ATE1: variants seen among roughly 807,000 people sequenced by gnomAD.
ATE1 encodes arginyltransferase 1, also known as arginyl-tRNA--protein transferase 1.
A neutral mutation model predicts 70.5 loss-of-function variants in ATE1; 36 were observed. The observed-to-expected ratio is 0.51, with a 90% CI of 0.39 to 0.67. ATE1 has a LOEUF of 0.67. Among genes scored for constraint, ATE1 ranks in the 30% least tolerant of loss-of-function variants. ATE1 has a pLI of 0.00. For missense variants in ATE1, 593 were observed against 629.5 expected, an observed-to-expected ratio of 0.94 and a Z score of 0.62; for synonymous variants, 232 against 219.3, an observed-to-expected ratio of 1.06 and a Z score of -0.51.
chr10:121,844,085 A>C (rs1364536378), intron 8 of ATE1, among the ~76,000 whole-genome samples: 1 of 152,234 alleles, frequency 6.6e-6, no homozygotes, highest in African/African-American at 2.4e-5. Flanking sequence ...CAACAACAAG[A>C]ACACAAACTA....
intron 10 of ATE1, among the ~76,000 whole-genome samples, chr10:121,831,702 T>A (rs188379571): frequency 1.3e-5 from 2 of 152,290 alleles, no homozygotes; most frequent in African/African-American, 4.8e-5. Flanking sequence ...AACATAAATT[T>A]TCTAAAAAAA....
rs759428786 is a variant in ATE1 at position 121,869,997 on chromosome 10, A to AT, written c.975+8_975+9insA. The AT allele has an allele frequency of 6.2e-7, 1 of 1,602,384 alleles. No homozygotes were observed. Among genetic ancestry groups the AT allele is most frequent in the Admixed American group, 1.7e-5 (1 of 59,966 alleles). ...AATTCTAATATTAAGGTCAGTGAGT[A>AT]ACTCTTACCTCCAAGGGTGAACTGC... On this transcript the variant is annotated intron_variant, in intron 8 of 11. Coordinates refer to ENST00000224652, the MANE Select transcript of ATE1 (RefSeq NM_001001976.3).
chr10:121,805,560 G>A (rs781698968), intron 10 of ATE1, among the ~76,000 whole-genome samples: 5 of 152,138 alleles, frequency 3.3e-5, no homozygotes, highest in South Asian at 4.1e-4. Flanking sequence ...CGCAGCTCTC[G>A]TGTCTGAGAA....
intron 7 of ATE1, among the ~76,000 whole-genome samples, chr10:121,886,889 T>C (rs1950416898): frequency 6.6e-6 from 1 of 152,174 alleles, no homozygotes; most frequent in African/African-American, 2.4e-5. Context: ...AGAATGTCAA[T>C]TCTCTAATAC....
rs534335142 is a variant in ATE1 at position 121,777,194 on chromosome 10, T to C, written c.1378+12975A>G. 4.6e-5 allele frequency among the ~76,000 whole-genome samples: 7 copies of C among 152,368 alleles called. No individual in the cohort carries two copies. In the South Asian group the frequency reaches 1.4e-3, roughly 32 times the overall value. On this transcript the variant is annotated intron_variant, in intron 11 of 11. Transcript: ENST00000224652. ...CTAATGACTGGCGGGACTAGAAAAC[T>C]TGCCTTTAGATTTCTAGTTTAAACA...
chr10:121,742,998 ATAT>A lies in ATE1; in HGVS notation c.*679_*681del, dbSNP rs1261099899. The A allele has an allele frequency of 6.6e-6, 1 of 152,210 alleles. No homozygotes were observed. Among genetic ancestry groups the A allele is most frequent in the Non-Finnish European group, 1.5e-5 (1 of 68,024 alleles). 9.4% of individuals were successfully genotyped at this position (152,210 alleles called of 1,614,324 possible). A position where few individuals can be genotyped will look rare whatever the true frequency, so the allele number is the denominator to read the frequency against. On this transcript the variant is annotated 3_prime_UTR_variant, in exon 12 of 12. Coordinates refer to ENST00000224652, the MANE Select transcript of ATE1 (RefSeq NM_001001976.3). ...TATGTATTTTATTGTCCAAACTGGG[ATAT>A]TTTTTAGAGTAAAAGGGAGTACTAT...
chr10:121,783,245 G>A (rs1252935317), intron 11 of ATE1, among the ~76,000 whole-genome samples: 1 of 151,984 alleles, frequency 6.6e-6, no homozygotes, highest in African/African-American at 2.4e-5. Flanking sequence ...AGTCAATAGT[G>A]GTAATCTTAT....
chr10:121,918,999 G>A (rs530504416), intron 3 of ATE1, among the ~76,000 whole-genome samples: 2 of 152,044 alleles, frequency 1.3e-5, no homozygotes, highest in South Asian at 4.2e-4. Context: ...TCTATAAAAT[G>A]GACCAATCAG....
At chr10:121,789,839 C>A (rs1000649025) in intron 11 of ATE1, among the ~76,000 whole-genome samples, 4 of 152,090 alleles carry the variant, frequency 2.6e-5, no homozygotes, top group Non-Finnish European at 4.4e-5. Flanking sequence ...CTAAATAATC[C>A]ATCTAGCAGA....
At chr10:121,907,814 G>A (rs1186693485) in intron 5 of ATE1, among the ~76,000 whole-genome samples, 1 of 151,828 alleles carries the variant, frequency 6.6e-6, no homozygotes, top group Non-Finnish European at 1.5e-5. Flanking sequence ...ATTTGAATTG[G>A]AAATATCAGT....
In ATE1 at chr10:121,777,921, G is replaced by A. The variant is rs1314298887; in HGVS notation, c.1378+12248C>T. Reference sequence around the variant, plus strand: ...GAAATTTAATCAGGATTTCATAAACGCAAACATTATTCAAAATCTCCTTAA... The same window carrying A: ...GAAATTTAATCAGGATTTCATAAACACAAACATTATTCAAAATCTCCTTAA... On this transcript the variant is annotated intron_variant, in intron 11 of 11. Coordinates refer to ENST00000224652, the MANE Select transcript of ATE1 (RefSeq NM_001001976.3). 4.6e-5 allele frequency among the ~76,000 whole-genome samples: 7 copies of A among 152,252 alleles called. No individual in the cohort carries two copies. The East Asian group carries it at 5.8e-4, about 13-fold the overall frequency.
chr10:121,833,712 T>G (rs1369689317), intron 10 of ATE1, among the ~76,000 whole-genome samples: 1 of 152,110 alleles, frequency 6.6e-6, no homozygotes, highest in Non-Finnish European at 1.5e-5. Context: ...CTCTAGTTGG[T>G]CAGTGTTCCA....
chr10:121,811,578 G>A (rs1257207996), intron 10 of ATE1, among the ~76,000 whole-genome samples: 2 of 152,158 alleles, frequency 1.3e-5, no homozygotes, highest in East Asian at 1.9e-4. Context: ...GGAATGTGAC[G>A]TTTCCAAAGC....
At chr10:121,914,998 C>T (rs1423459003) in intron 3 of ATE1, among the ~76,000 whole-genome samples, 1 of 152,178 alleles carries the variant, frequency 6.6e-6, no homozygotes, top group Non-Finnish European at 1.5e-5. Context: ...CCACAGTAAA[C>T]CAAACCCATC....
chr10:121,834,310 G>A (rs371502687), intron 10 of ATE1, among the ~76,000 whole-genome samples: 4 of 152,154 alleles, frequency 2.6e-5, no homozygotes, highest in Non-Finnish European at 5.9e-5. Flanking sequence ...CAAGAAATCA[G>A]GGATCTTGCC....
chr10:121,844,119 A>T (rs1948728237), intron 8 of ATE1, among the ~76,000 whole-genome samples: 2 of 152,224 alleles, frequency 1.3e-5, no homozygotes, highest in South Asian at 4.1e-4. Flanking sequence ...TAGGCAAAAT[A>T]TTGGGTGTCA....
At chr10:121,841,409 A>C in intron 8 of ATE1, 146 bp from the exon 9 acceptor site, 1 of 505,738 alleles carries the variant, frequency 2.0e-6, no homozygotes, top group Non-Finnish European at 3.1e-6. Flanking sequence ...CCCTATATTA[A>C]GCTGCAAAAC....
chr10:121,830,013 T>TA (rs1564875708), intron 10 of ATE1, among the ~76,000 whole-genome samples: 4 of 152,248 alleles, frequency 2.6e-5, no homozygotes, highest in Admixed American at 2.0e-4. Context: ...TTCTAGACCT[T>TA]CAATTTGCAA....
rs563496946 is a variant in ATE1, at chr10:121,766,389, CCTA to C, written c.1379-22534_1379-22532del. 2.0e-5 allele frequency among the ~76,000 whole-genome samples: 3 copies of C among 152,200 alleles called. No individual in the cohort carries two copies. In the East Asian group the frequency reaches 5.8e-4, roughly 29 times the overall value. Reference sequence around the variant, plus strand: ...GGGAGACCTACTTTTCCCTATCCTCCCTACTAAGTACAACTGGAAACTCAGGAC... The same window carrying C: ...GGGAGACCTACTTTTCCCTATCCTCCCTAAGTACAACTGGAAACTCAGGAC... On this transcript the variant is annotated intron_variant, in intron 11 of 11. Transcript: ENST00000224652.
Sources: gnomAD v4.1 joint callset for allele counts (sites outside exome capture counted in the v4.1 genomes callset) on GRCh38, gnomAD v4.1.1 for gene constraint, MANE v1.5 for transcripts, NCBI Gene and HGNC (gene_info 2026-07-23, HGNC 2026-07-21) for gene names.